Variants in GAREM1 observed in about 807,000 individuals in gnomAD.
GAREM1 encodes the protein GRB2-associated and regulator of MAPK protein 1.
In GAREM1, 26 loss-of-function variants were observed where a neutral mutation model predicts 71.3. The observed-to-expected ratio is 0.36, with a 90% CI of 0.27 to 0.51. The LOEUF (loss-of-function observed/expected upper bound fraction) is 0.51, where lower values mean the gene tolerates loss of function less well. Ranked by LOEUF, GAREM1 falls within the 20% of genes least tolerant of loss-of-function variation. The pLI is 0.95. For missense variants in GAREM1, 1,026 were observed against 1,103.1 expected (o/e 0.93, Z 0.99); for synonymous variants, 440 against 433.2 (o/e 1.02, Z -0.20).
intron 4 of GAREM1, among the ~76,000 whole-genome samples, chr18:32,275,233 A>G (rs748383855): frequency 6.6e-6 from 1 of 152,214 alleles, no homozygotes; most frequent in Non-Finnish European, 1.5e-5. Flanking sequence ...CACACCCCAG[A>G]GTAATGACTA....
chr18:32,403,685 C>A (rs1408626246), intron 1 of GAREM1, among the ~76,000 whole-genome samples: 1 of 152,144 alleles, frequency 6.6e-6, no homozygotes, highest in Non-Finnish European at 1.5e-5. Context: ...AAGTGATCCT[C>A]CTCCCTCAGC....
chr18:32,441,713 G>C (rs367582519), intron 1 of GAREM1, among the ~76,000 whole-genome samples: 1 of 151,986 alleles, frequency 6.6e-6, no homozygotes, highest in African/African-American at 2.4e-5. Flanking sequence ...CTCCTTCTTC[G>C]GACACAAGCC....
At chr18:32,283,529 G>A (rs928622272) in intron 4 of GAREM1, among the ~76,000 whole-genome samples, 1 of 151,924 alleles carries the variant, frequency 6.6e-6, no homozygotes, top group African/African-American at 2.4e-5. Flanking sequence ...CTGGGCAACA[G>A]AGCCAGACTC....
chr18:32,469,110 C>T (rs548702423), intron 1 of GAREM1, among the ~76,000 whole-genome samples: 51 of 152,212 alleles, frequency 3.4e-4, no homozygotes, highest in African/African-American at 1.1e-3. Context: ...TGTTTTCCAG[C>T]CTTCACGAAC....
intron 3 of GAREM1, among the ~76,000 whole-genome samples, chr18:32,308,190 G>A (rs1487276942): frequency 6.6e-6 from 1 of 150,914 alleles, no homozygotes; most frequent in Admixed American, 6.6e-5. Context: ...ACACTTAACT[G>A]AGCCTTTGAA....
Position 32,293,855 on chromosome 18 carries a change from G to A in GAREM1, c.394-5652C>T, listed in dbSNP as rs1017337742. On this transcript the variant is annotated intron_variant, in intron 3 of 5. Transcript: ENST00000269209. ...GACTTCCTGAGAAGTTCATGACCTC[G>A]CTTATGTACCATTCTAGCCAAAACT... Among the ~76,000 whole-genome samples, 16 of 152,194 alleles carry A rather than the reference G, an allele frequency of 1.1e-4. 1 individual carries two copies. The East Asian group carries it at 3.1e-3, about 29-fold the overall frequency.
At chr18:32,310,131 C>A in intron 3 of GAREM1, 62 bp downstream of exon 3, 1 of 1,575,876 alleles carries the variant, frequency 6.3e-7, no homozygotes, top group South Asian at 1.2e-5. Context: ...TGTGTACATC[C>A]AGACTTGAAA....
chr18:32,314,632 AG>A (rs1380896022), intron 2 of GAREM1, among the ~76,000 whole-genome samples: 1 of 148,516 alleles, frequency 6.7e-6, no homozygotes, highest in African/African-American at 2.5e-5. Context: ...TCTGTCTCCC[AG>A]GCTGGAGTGC....
At chr18:32,456,822 G>T (rs191319193) in intron 1 of GAREM1, among the ~76,000 whole-genome samples, 3 of 152,228 alleles carry the variant, frequency 2.0e-5, no homozygotes, top group Non-Finnish European at 4.4e-5. Context: ...ATAAAAGAAT[G>T]AGTATTTTCA....
rs758779645 is a variant in GAREM1 at position 32,287,401 on chromosome 18, C to CTGTTGCCATGGAGAT, written c.1181_1195dup (p.Asn394_Asn398dup). On this transcript the variant is annotated inframe_insertion, in exon 4 of 6. Transcript: ENST00000269209. The surrounding 1 kb of genome is among the most constrained non-coding windows in gnomAD (Gnocchi z 5.9). The stretch of plus-strand genomic sequence containing the variant: ...CCTGCAACCATGAAGGTTCACCTCA[C>CTGTTGCCATGGAGAT]TGTTGCCATGGAGATTGTTGCCATA... 15 of 1,614,124 alleles carry CTGTTGCCATGGAGAT rather than the reference C, an allele frequency of 9.3e-6. No individual in the cohort carries two copies. In the African/African-American group the frequency reaches 1.7e-4, roughly 19 times the overall value.
At position 32,268,098 on chromosome 18, in the gene GAREM1, A is replaced by G. The variant is rs2041400544; in HGVS notation, c.2404T>C (p.Trp802Arg). ...CCTGATAGGTCAGCAGGTGGCTGCC[A>G]TGGGGAACCGTCGCCACAGGATCTG... ...APRSCGDGSP[W>R]QPPADLSGLS... is the part of the protein sequence containing the mutation. The change falls in exon 6 of 6, where the codon TGG becomes CGG. Residue 802 changes from tryptophan to arginine, a missense_variant. This residue lies in a region of GAREM1 where 636 missense variants were observed against 631.2 expected (regional missense o/e 1.01). Transcript: ENST00000269209. 1.2e-6 allele frequency: 2 copies of G among 1,613,976 alleles called. No individual in the cohort carries two copies. The highest frequency in any genetic ancestry group is 1.7e-5 in the Admixed American group (1 of 59,998).
At chr18:32,336,320 C>T (rs2047593786) in intron 2 of GAREM1, among the ~76,000 whole-genome samples, 1 of 151,666 alleles carries the variant, frequency 6.6e-6, no homozygotes, top group African/African-American at 2.4e-5. Context: ...GTCCCAGCTA[C>T]TCGGGATGCT....
chr18:32,416,977 G>C (rs1053441045), intron 1 of GAREM1, among the ~76,000 whole-genome samples: 2 of 152,062 alleles, frequency 1.3e-5, no homozygotes, highest in African/African-American at 2.4e-5. Context: ...CATCTGACAA[G>C]GGATTCATAA....
At chr18:32,396,512 C>T (rs567821720) in intron 1 of GAREM1, among the ~76,000 whole-genome samples, 1 of 152,246 alleles carries the variant, frequency 6.6e-6, no homozygotes, top group South Asian at 2.1e-4. Flanking sequence ...GACGAATGCA[C>T]AAGCTTCAGT....
intron 1 of GAREM1, among the ~76,000 whole-genome samples, chr18:32,449,906 A>T (rs911723947): frequency 2.0e-5 from 3 of 152,158 alleles, no homozygotes; most frequent in Non-Finnish European, 2.9e-5. Context: ...TAAAAAGCTT[A>T]AAAGGTGAAT....
At chr18:32,295,786 T>C (rs1055520379) in intron 3 of GAREM1, among the ~76,000 whole-genome samples, 3 of 152,152 alleles carry the variant, frequency 2.0e-5, no homozygotes, top group African/African-American at 7.2e-5. Flanking sequence ...AATGGGAATA[T>C]ATGCTGCCAA....
At chr18:32,269,173 G>A (rs1434350027) in intron 5 of GAREM1, among the ~76,000 whole-genome samples, 1 of 152,168 alleles carries the variant, frequency 6.6e-6, no homozygotes, top group Non-Finnish European at 1.5e-5. Context: ...TGCTTGCCAT[G>A]CTTGTGCTAC....
chr18:32,465,908 CA>C (rs895617074), intron 1 of GAREM1, among the ~76,000 whole-genome samples: 51 of 152,168 alleles, frequency 3.4e-4, no homozygotes, highest in Admixed American at 4.6e-4. Context: ...ACTCACTTTA[CA>C]AAAGTAATGC....
intron 1 of GAREM1, among the ~76,000 whole-genome samples, chr18:32,425,829 T>C (rs2048569310): frequency 6.6e-6 from 1 of 152,122 alleles, no homozygotes; most frequent in Non-Finnish European, 1.5e-5. Flanking sequence ...AAGAAAACAG[T>C]TGTTCAGCCT....
Sources: allele counts gnomAD v4.1 joint callset (sites outside exome capture counted in the v4.1 genomes callset), GRCh38; gene constraint gnomAD v4.1.1; regional missense constraint gnomAD v4.1.1; non-coding constraint Gnocchi (gnomAD v3.1); transcripts MANE v1.5; gene names NCBI Gene and HGNC (gene_info 2026-07-23, HGNC 2026-07-21).